AFF2: variants seen among roughly 807,000 people sequenced by gnomAD.
AFF2 encodes the protein ALF transcription elongation factor 2.
A neutral mutation model predicts 76.9 loss-of-function variants in AFF2; 14 were observed. The observed-to-expected ratio is 0.18, with a 90% confidence interval of 0.12 to 0.28. AFF2 has a LOEUF of 0.28. Ranked by LOEUF, AFF2 falls within the 10% of genes least tolerant of loss-of-function variation. The probability of loss-of-function intolerance (pLI) is 1.00; values close to 1 mark genes in which losing one functional copy is unlikely to be tolerated. For synonymous variants in AFF2, 398 were observed against 366.7 expected, an observed-to-expected ratio of 1.09 and a Z score of -0.98; for missense variants, 868 against 1,001.1, an observed-to-expected ratio of 0.87 and a Z score of 1.79.
intron 1 of AFF2, among the ~76,000 whole-genome samples, chrX:148,571,956 G>A (rs1263452565): frequency 9.1e-6 from 1 of 109,743 alleles, no homozygotes; most frequent in Non-Finnish European, 1.9e-5. Context: ...GAGCTTAAAG[G>A]TCATCATCAA....
In AFF2 at chrX:148,728,380, T is replaced by C. The variant is rs188968391; in HGVS notation, c.1041+65612T>C. ...CTGAAGCAGACGATGGGTGGGTTTA[T>C]GTAACATTAAACCCAGGTGGGTACT... On this transcript the variant is annotated intron_variant, in intron 3 of 20. Transcript: ENST00000370460. 1.2e-4 allele frequency among the ~76,000 whole-genome samples: 13 copies of C among 112,489 alleles called. 1 individual carries two copies. The East Asian group carries it at 3.7e-3, about 32-fold the overall frequency.
chrX:148,539,838 CAG>C (rs1293850441), intron 1 of AFF2, among the ~76,000 whole-genome samples: 1 of 111,076 alleles, frequency 9.0e-6, no homozygotes, highest in East Asian at 2.8e-4. Context: ...AGTTTGGACA[CAG>C]GGATTTTCAG....
At chrX:148,783,043 G>A (rs2069765065) in intron 3 of AFF2, among the ~76,000 whole-genome samples, 1 of 111,877 alleles carries the variant, frequency 8.9e-6, no homozygotes, top group Non-Finnish European at 1.9e-5. Context: ...CTTCATTTCT[G>A]ATTCACTGTG....
intron 1 of AFF2, among the ~76,000 whole-genome samples, chrX:148,528,474 C>T (rs1557235466): frequency 9.0e-6 from 1 of 111,283 alleles, no homozygotes; most frequent in Non-Finnish European, 1.9e-5. Context: ...TATAGAAATT[C>T]TCATGGCGTT....
chrX:148,765,042 T>C (rs1557267591), intron 3 of AFF2, among the ~76,000 whole-genome samples: 1 of 111,062 alleles, frequency 9.0e-6, no homozygotes, highest in African/African-American at 3.3e-5. Context: ...ATTGTTGTCA[T>C]TTTTAAAAAC....
At chrX:148,631,284 A>T (rs1557253022) in intron 1 of AFF2, among the ~76,000 whole-genome samples, 1 of 112,169 alleles carries the variant, frequency 8.9e-6, no homozygotes, top group East Asian at 2.8e-4. Context: ...TTACAATTAC[A>T]TCTATAGAAA....
rs372864201 is a variant in AFF2 at position 148,762,409 on chromosome X, G to GTATATATATATATATATATATA, written c.1042-47455_1042-47454insTATATATATATATATATATATA. On this transcript the variant is annotated intron_variant, in intron 3 of 20. Coordinates refer to ENST00000370460, the MANE Select transcript of AFF2 (RefSeq NM_002025.4). ...TTTTATGGCTGAGTAGTATTCTATG[G>GTATATATATATATATATATATA]TATATATATATACACATGCACACAT... Among the ~76,000 whole-genome samples, 106 of 86,662 alleles carry GTATATATATATATATATATATA rather than the reference G, an allele frequency of 1.2e-3. 1 individual carries two copies. Among genetic ancestry groups the GTATATATATATATATATATATA allele is most frequent in the African/African-American group, 4.9e-3 (64 of 12,934 alleles). The allele number at this position is 86,662 out of a possible 115,157, so 75.3% of individuals were successfully genotyped here.
Position 148,852,387 on chromosome X carries a change from T to TG in AFF2, c.1262+8956dup, listed in dbSNP as rs1210520782. 8.1e-5 allele frequency among the ~76,000 whole-genome samples: 4 copies of TG among 49,207 alleles called. No homozygotes were observed. The South Asian group carries it at 6.0e-3, about 73-fold the overall frequency. The allele number at this position is 49,207 out of a possible 115,157, so 42.7% of individuals were successfully genotyped here. A position where few individuals can be genotyped will look rare whatever the true frequency, so the allele number is the denominator to read the frequency against. On this transcript the variant is annotated intron_variant, in intron 7 of 20. Coordinates refer to ENST00000370460, the MANE Select transcript of AFF2 (RefSeq NM_002025.4). ...TTTTCTCCATAACCTCACCAGCAGCTGGTTTTTTTTTTTTTTTTTTTTACT... is the reference window on the plus strand; with the variant it reads ...TTTTCTCCATAACCTCACCAGCAGCTGGGTTTTTTTTTTTTTTTTTTTTACT...
At chrX:148,825,064 A>G (rs1464942767) in intron 4 of AFF2, among the ~76,000 whole-genome samples, 1 of 111,191 alleles carries the variant, frequency 9.0e-6, no homozygotes, top group Non-Finnish European at 1.9e-5. Context: ...ACACACACAC[A>G]CATACACACA....
chrX:148,766,830 T>C (rs2069525689), intron 3 of AFF2, among the ~76,000 whole-genome samples: 1 of 112,088 alleles, frequency 8.9e-6, no homozygotes, highest in Non-Finnish European at 1.9e-5. Flanking sequence ...AGATTTCTTG[T>C]TGATTTAGTG....
At chrX:148,844,791 C>G (rs1021116915) in intron 7 of AFF2, among the ~76,000 whole-genome samples, 5 of 111,561 alleles carry the variant, frequency 4.5e-5, no homozygotes, top group African/African-American at 1.6e-4. Flanking sequence ...GACCCCATCA[C>G]TGGTCCATTT....
intron 4 of AFF2, among the ~76,000 whole-genome samples, chrX:148,825,382 C>T (rs782125313): frequency 8.9e-6 from 1 of 111,760 alleles, no homozygotes; most frequent in African/African-American, 3.2e-5. Context: ...TGAATTCTAA[C>T]CCCCAAATAC....
At chrX:148,975,441 T>C (rs992763322) in intron 16 of AFF2, among the ~76,000 whole-genome samples, 1 of 111,966 alleles carries the variant, frequency 8.9e-6, no homozygotes, top group South Asian at 3.7e-4. Context: ...GCACAAAATA[T>C]ATTTATTATA....
At chrX:148,546,288 T>C (rs1349409188) in intron 1 of AFF2, among the ~76,000 whole-genome samples, 4 of 111,814 alleles carry the variant, frequency 3.6e-5, no homozygotes, top group Non-Finnish European at 7.5e-5. Flanking sequence ...TTTATGGCAC[T>C]GACTTTGGGA....
chrX:148,528,113 A>G (rs782000108), intron 1 of AFF2, among the ~76,000 whole-genome samples: 12 of 112,211 alleles, frequency 1.1e-4, no homozygotes, highest in African/African-American at 1.9e-4. Flanking sequence ...GCAAGTAACA[A>G]TCTGTGCTAG....
At chrX:148,738,628 C>G (rs1557265346) in intron 3 of AFF2, among the ~76,000 whole-genome samples, 3 of 111,391 alleles carry the variant, frequency 2.7e-5, no homozygotes, top group Non-Finnish European at 1.9e-5. Flanking sequence ...TAGTTCTCCT[C>G]TGATCTTGGT....
chrX:148,627,685 G>A lies in AFF2; in HGVS notation c.48-24314G>A, dbSNP rs188967032. On this transcript the variant is annotated intron_variant, in intron 1 of 20. Transcript: ENST00000370460. ...AGATGGATGAATTAGTGTGAACAAA[G>A]AGCAGTAAAGGGAAGGAGGCAAAGA... Among the ~76,000 whole-genome samples the A allele has an allele frequency of 3.8e-3, 421 of 112,260 alleles. 3 individuals are homozygous for A. The highest frequency in any genetic ancestry group is 0.014 in the Middle Eastern group (3 of 217).
intron 3 of AFF2, among the ~76,000 whole-genome samples, chrX:148,692,959 C>G (rs1232074191): frequency 9.0e-6 from 1 of 110,778 alleles, no homozygotes; most frequent in Admixed American, 9.6e-5. Context: ...CGCTCTGTCG[C>G]CCAGGCTGGA....
chrX:148,773,606 G>A (rs1368277070), intron 3 of AFF2, among the ~76,000 whole-genome samples: 1 of 103,292 alleles, frequency 9.7e-6, no homozygotes, highest in Non-Finnish European at 2.0e-5. Context: ...GAGATGTAAA[G>A]CTGCTGTTCA....
Sources: allele counts gnomAD v4.1 joint callset (sites outside exome capture counted in the v4.1 genomes callset), GRCh38; gene constraint gnomAD v4.1.1; transcripts MANE v1.5; gene names NCBI Gene and HGNC (gene_info 2026-07-23, HGNC 2026-07-21).